Variants in PTPRR observed in about 807,000 individuals in gnomAD.
The protein encoded by PTPRR is protein tyrosine phosphatase receptor type R.
A neutral mutation model predicts 77.2 loss-of-function variants in PTPRR; 38 were observed. The ratio of observed to expected loss-of-function variants is 0.49; its 90% confidence interval spans 0.38 to 0.65. PTPRR has a LOEUF of 0.65. Among genes scored for constraint, PTPRR ranks in the 30% least tolerant of loss-of-function variants. The pLI is 0.00. For missense variants in PTPRR, 744 were observed against 799.2 expected (o/e 0.93, Z 0.83); for synonymous variants, 299 against 283.1 (o/e 1.06, Z -0.57).
chr12:70,752,298 CT>C (rs2136944751), intron 5 of PTPRR, among the ~76,000 whole-genome samples: 1 of 152,274 alleles, frequency 6.6e-6, no homozygotes, highest in East Asian at 1.9e-4. Context: ...GAGCAATCAC[CT>C]ATACTTCTGA....
At chr12:70,812,827 C>G (rs1426438554) in intron 2 of PTPRR, among the ~76,000 whole-genome samples, 1 of 152,144 alleles carries the variant, frequency 6.6e-6, no homozygotes, top group Non-Finnish European at 1.5e-5. Flanking sequence ...TTTCATAAAT[C>G]ACAGACAGAT....
chr12:70,809,901 T>G (rs1438700426), intron 2 of PTPRR, among the ~76,000 whole-genome samples: 2 of 152,216 alleles, frequency 1.3e-5, no homozygotes, highest in African/African-American at 4.8e-5. Context: ...ACTTTTCCCT[T>G]GTTGATATAT....
In PTPRR at chr12:70,888,319, A is replaced by G. The variant is rs1198985738; in HGVS notation, c.357+4360T>C. The stretch of plus-strand genomic sequence containing the variant: ...ATATCTTTTGAAAAAAAGCTATTCA[A>G]TTGTTCCAGTCTCACATGGTCAATA... On this transcript the variant is annotated intron_variant, in intron 2 of 13. Coordinates refer to ENST00000283228, the MANE Select transcript of PTPRR (RefSeq NM_002849.4). Among the ~76,000 whole-genome samples, 4 of 152,164 alleles carry G rather than the reference A, an allele frequency of 2.6e-5. No individual in the cohort carries two copies. In the East Asian group the frequency reaches 7.7e-4, roughly 29 times the overall value.
rs1290513914 is a variant in PTPRR at position 70,854,928 on chromosome 12, G to A, written c.357+37751C>T. Among the ~76,000 whole-genome samples, 5 of 152,290 alleles carry A rather than the reference G, an allele frequency of 3.3e-5. No homozygotes were observed. In the East Asian group the frequency reaches 5.8e-4, roughly 18 times the overall value. ...TTAGCTGCTATTTTTACCCAATGTGGTATATTAATATCGGCAGGCAGGGGT... is the reference window on the plus strand; with the variant it reads ...TTAGCTGCTATTTTTACCCAATGTGATATATTAATATCGGCAGGCAGGGGT... On this transcript the variant is annotated intron_variant, in intron 2 of 13. Coordinates refer to ENST00000283228, the MANE Select transcript of PTPRR (RefSeq NM_002849.4).
intron 2 of PTPRR, among the ~76,000 whole-genome samples, chr12:70,811,073 TA>T (rs1191569503): frequency 6.6e-6 from 1 of 152,048 alleles, no homozygotes; most frequent in African/African-American, 2.4e-5. Context: ...AGATTCCCTA[TA>T]ATAAAACCTC....
intron 2 of PTPRR, among the ~76,000 whole-genome samples, chr12:70,822,917 T>A (rs951807681): frequency 2.6e-5 from 4 of 152,112 alleles, no homozygotes; most frequent in African/African-American, 9.7e-5. Context: ...CAGACCTTTT[T>A]TTGGGTGTGC....
At chr12:70,866,364 C>T (rs1726450041) in intron 2 of PTPRR, among the ~76,000 whole-genome samples, 1 of 151,942 alleles carries the variant, frequency 6.6e-6, no homozygotes, top group African/African-American at 2.4e-5. Context: ...CCACCGATCC[C>T]ACAGAAATAC....
chr12:70,672,820 GA>G, intron 10 of PTPRR: 1 of 1,564,110 alleles, frequency 6.4e-7, no homozygotes, highest in South Asian at 1.1e-5. Context: ...AGTCCAGTGT[GA>G]AATTGAAGAA....
intron 6 of PTPRR, among the ~76,000 whole-genome samples, chr12:70,704,846 C>T (rs1028214605): frequency 8.6e-5 from 13 of 151,946 alleles, no homozygotes; most frequent in African/African-American, 2.7e-4. Context: ...AGCAAGAAAA[C>T]GAACTCTACT....
At chr12:70,688,518 C>G (rs148414842) in intron 8 of PTPRR, among the ~76,000 whole-genome samples, 8 of 152,202 alleles carry the variant, frequency 5.3e-5, no homozygotes, top group African/African-American at 1.9e-4. Flanking sequence ...GTTAGAAGGG[C>G]TATTATCAAA....
rs556973953 is a variant in PTPRR at position 70,796,575 on chromosome 12, C to CA, written c.358-31798dup. 1.5e-4 allele frequency among the ~76,000 whole-genome samples: 23 copies of CA among 152,192 alleles called. No homozygotes were observed. In the South Asian group the frequency reaches 4.4e-3, roughly 29 times the overall value. On this transcript the variant is annotated intron_variant, in intron 2 of 13. Transcript: ENST00000283228. ...TGTATTAGATCCCTGCCCTGTATCT[C>CA]AAAATGAATTACCAAGGTAGAAAAC...
chr12:70,729,188 A>G (rs1889564502), intron 6 of PTPRR, among the ~76,000 whole-genome samples: 2 of 152,216 alleles, frequency 1.3e-5, no homozygotes, highest in African/African-American at 4.8e-5. Flanking sequence ...ATTTAAATAT[A>G]TGCATTTAAA....
intron 10 of PTPRR, chr12:70,672,591 C>G: frequency 6.9e-7 from 1 of 1,446,750 alleles, no homozygotes; most frequent in Non-Finnish European, 9.6e-7. Flanking sequence ...TGACCAAGGA[C>G]AGTGTAGCAG....
At chr12:70,876,094 AAAT>A (rs1181281786) in intron 2 of PTPRR, among the ~76,000 whole-genome samples, 1 of 152,172 alleles carries the variant, frequency 6.6e-6, no homozygotes, top group Non-Finnish European at 1.5e-5. Context: ...ACTTTTCAAA[AAAT>A]AATAATTTGG....
chr12:70,783,261 G>T (rs1414108955), intron 2 of PTPRR, among the ~76,000 whole-genome samples: 1 of 152,142 alleles, frequency 6.6e-6, no homozygotes, highest in African/African-American at 2.4e-5. Flanking sequence ...TCTGTGGAGT[G>T]TTCAGCTCTC....
intron 2 of PTPRR, among the ~76,000 whole-genome samples, chr12:70,815,608 G>C (rs1891889466): frequency 2.0e-5 from 3 of 152,116 alleles, no homozygotes. Context: ...GACTACTTGG[G>C]GGGACAGATT....
intron 8 of PTPRR, among the ~76,000 whole-genome samples, chr12:70,694,748 G>C (rs536000901): frequency 6.6e-6 from 1 of 151,994 alleles, no homozygotes; most frequent in African/African-American, 2.4e-5. Context: ...AGCCCAAACG[G>C]CAGCATCACA....
rs530516418 is a variant in PTPRR at position 70,768,635 on chromosome 12, G to A, written c.358-3857C>T. ...AACTATTCCAATCAATAGAAAAAGA[G>A]GGAATCCTCCCTAACTCATTTTATG... On this transcript the variant is annotated intron_variant, in intron 2 of 13. Transcript: ENST00000283228. 2.5e-4 allele frequency among the ~76,000 whole-genome samples: 38 copies of A among 152,274 alleles called. 1 individual carries two copies. In the South Asian group the frequency reaches 6.6e-3, roughly 27 times the overall value.
At chr12:70,748,859 C>G (rs1592729882) in intron 5 of PTPRR, among the ~76,000 whole-genome samples, 1 of 152,164 alleles carries the variant, frequency 6.6e-6, no homozygotes, top group Non-Finnish European at 1.5e-5. Context: ...AATCCTGAGT[C>G]AATCCCTACT....
Sources: allele counts gnomAD v4.1 joint callset (sites outside exome capture counted in the v4.1 genomes callset), GRCh38; gene constraint gnomAD v4.1.1; transcripts MANE v1.5; gene names NCBI Gene and HGNC (gene_info 2026-07-23, HGNC 2026-07-21).